The following RYK variants were observed in gnomAD, a reference collection of about 807,000 sequenced individuals.
The protein encoded by RYK is receptor like tyrosine kinase.
In RYK, 21 loss-of-function variants were observed where a neutral mutation model predicts 70.2. That is an observed-to-expected ratio of 0.30 (90% CI 0.21 to 0.43). The LOEUF is 0.43. RYK is among the 20% of genes least tolerant of loss of function. RYK has a pLI of 1.00. For synonymous variants in RYK, 267 were observed against 278.0 expected (o/e 0.96, Z 0.39); for missense variants, 604 against 753.3 (o/e 0.80, Z 2.32).
chr3:134,159,469 A>C, intron 13 of RYK, 96 bp from the exon 14 acceptor site: 134 of 1,201,870 alleles, frequency 1.1e-4, no homozygotes, highest in Non-Finnish European at 1.4e-4. Flanking sequence ...ATAACAGCTC[A>C]ACTCATGCTT....
intron 13 of RYK, among the ~76,000 whole-genome samples, chr3:134,162,234 AT>A (rs35638482): frequency 0.25 from 34,210 of 139,134 alleles, 5,182 homozygotes; most frequent in East Asian, 0.78. Flanking sequence ...GGCTTCAACC[AT>A]TTTTTTTTTT....
chr3:134,225,197 G>C (rs2014869606), intron 1 of RYK, among the ~76,000 whole-genome samples: 1 of 152,308 alleles, frequency 6.6e-6, no homozygotes, highest in Admixed American at 6.5e-5. Flanking sequence ...CTGGAGAAAG[G>C]GGTTAGAGGA....
intron 1 of RYK, among the ~76,000 whole-genome samples, chr3:134,234,003 G>A (rs1306302218): frequency 6.6e-6 from 1 of 152,038 alleles, no homozygotes; most frequent in African/African-American, 2.4e-5. Flanking sequence ...TAAAAAAAGG[G>A]AAAATAGCAA....
chr3:134,240,981 A>C (rs2015307388), intron 1 of RYK, among the ~76,000 whole-genome samples: 1 of 152,226 alleles, frequency 6.6e-6, no homozygotes, highest in Admixed American at 6.5e-5. Context: ...ACCACCAGTG[A>C]ATTTTACAAT....
chr3:134,239,595 G>A (rs915710375), intron 1 of RYK, among the ~76,000 whole-genome samples: 1 of 152,206 alleles, frequency 6.6e-6, no homozygotes, highest in African/African-American at 2.4e-5. Context: ...ATGATCAACA[G>A]AATGATGACT....
intron 2 of RYK, among the ~76,000 whole-genome samples, chr3:134,213,127 G>A (rs2014451913): frequency 6.6e-6 from 1 of 152,246 alleles, no homozygotes; most frequent in South Asian, 2.1e-4. Flanking sequence ...AGTTTGGGCA[G>A]GGAATGAGCA....
At chr3:134,200,253 G>A (rs564275246) in intron 6 of RYK, among the ~76,000 whole-genome samples, 89 of 152,200 alleles carry the variant, frequency 5.8e-4, no homozygotes, top group African/African-American at 1.1e-3. Context: ...GTAACACTGC[G>A]AAGGTCTGCA....
At position 134,250,488 on chromosome 3, in the gene RYK, T is replaced by A; in HGVS notation, c.167A>T (p.Gln56Leu). 7.5e-7 allele frequency: 1 copy of A among 1,327,702 alleles called. No individual in the cohort carries two copies. The allele number at this position is 1,327,702 out of a possible 1,614,324, so 82.2% of individuals were successfully genotyped here. The change falls in exon 1 of 15, where the codon CAG becomes CTG. Residue 56 changes from glutamine (Q) to leucine (L), a missense_variant. Transcript: ENST00000623711. ...CACGCTGGGCCCCGCGGAAGCCGAC[T>A]GCAGCTCCGGGGGCCGCGGGGCGGG... ...AAPAPRPPELQSASAGPSVSL... is the reference protein window; with the variant it reads ...AAPAPRPPELLSASAGPSVSL...
intron 1 of RYK, among the ~76,000 whole-genome samples, chr3:134,242,671 TG>T (rs1043999964): frequency 2.0e-5 from 3 of 152,244 alleles, no homozygotes; most frequent in African/African-American, 4.8e-5. Flanking sequence ...AGTAATGCTA[TG>T]GAACTTCTCA....
chr3:134,218,372 A>C (rs1323049092), intron 2 of RYK, among the ~76,000 whole-genome samples: 1 of 152,182 alleles, frequency 6.6e-6, no homozygotes, highest in Non-Finnish European at 1.5e-5. Context: ...GGTGCTCAGC[A>C]AGTAGGAGGG....
Position 134,178,021 on chromosome 3 carries a change from C to A in RYK, c.1225G>T (p.Val409Leu). The A allele has an allele frequency of 6.2e-7, 1 of 1,607,480 alleles. No individual in the cohort carries two copies. Among genetic ancestry groups the A allele is most frequent in the South Asian group, 1.1e-5 (1 of 90,448 alleles). Reference sequence around the variant, plus strand: ...CCCCAATTCATGTAAGGCAATATCACCATGGGCTTTTCTCCTTCTTCTATA... The same window carrying A: ...CCCCAATTCATGTAAGGCAATATCAACATGGGCTTTTCTCCTTCTTCTATA... ...VCIEEGEKPM[V>L]ILPYMNWGNL... The change falls in exon 11 of 15, where the codon GTG (valine) becomes TTG (leucine). Residue 409 changes from valine to leucine, a missense_variant. Around this residue, in one of 2 missense-constraint regions of RYK, gnomAD observed 466 missense variants for 535.9 expected, o/e 0.87. Coordinates refer to ENST00000623711, the MANE Select transcript of RYK (RefSeq NM_002958.4).
At chr3:134,230,106 C>G (rs1468497379) in intron 1 of RYK, among the ~76,000 whole-genome samples, 1 of 152,120 alleles carries the variant, frequency 6.6e-6, no homozygotes, top group African/African-American at 2.4e-5. Context: ...CTCCCCCGAA[C>G]GTTTTTATTT....
intron 1 of RYK, 145 bp from the exon 2 acceptor site, chr3:134,222,684 A>T (rs1033472350): frequency 1.9e-5 from 12 of 641,746 alleles, no homozygotes; most frequent in Non-Finnish European, 3.1e-5. Flanking sequence ...CTGCCTTATG[A>T]AGCAAAAAAG....
chr3:134,207,565 T>C, intron 4 of RYK, 40 bp from the exon 5 acceptor site: 1 of 1,364,690 alleles, frequency 7.3e-7, no homozygotes, highest in Non-Finnish European at 1.0e-6. Context: ...AGAAATTCTC[T>C]TTTCCATGAA....
rs780690223 is a variant in RYK, at chr3:134,158,165, C to A, written c.1812G>T (p.Gly604=). The change falls in exon 15 of 15, where the codon GGG becomes GGT. Residue 604 remains glycine, a synonymous_variant. Transcript: ENST00000623711. ...QCLTEFHAAL[G]AYV ...GATTGGAGAGGAGTCAGACGTAGGCCCCCAGGGCTGCATGAAACTCTGTTA... is the reference window on the plus strand; with the variant it reads ...GATTGGAGAGGAGTCAGACGTAGGCACCCAGGGCTGCATGAAACTCTGTTA... The A allele has an allele frequency of 4.6e-6, 7 of 1,527,286 alleles. No homozygotes were observed. In the Admixed American group the frequency reaches 7.6e-5, roughly 17 times the overall value. 94.6% of individuals were successfully genotyped at this position (1,527,286 alleles called of 1,614,324 possible). A position where few individuals can be genotyped will look rare whatever the true frequency, so the allele number is the denominator to read the frequency against.
chr3:134,247,368 G>A (rs1045233343), intron 1 of RYK, among the ~76,000 whole-genome samples: 1 of 152,184 alleles, frequency 6.6e-6, no homozygotes, highest in Non-Finnish European at 1.5e-5. Flanking sequence ...AGTAGAGCCT[G>A]AGGGATAAAA....
chr3:134,209,897 T>G, intron 3 of RYK, 68 bp from the exon 4 acceptor site: 1 of 1,123,376 alleles, frequency 8.9e-7, no homozygotes, highest in Non-Finnish European at 1.2e-6. Flanking sequence ...CCAAAATGAT[T>G]CTTTTAAACA....
chr3:134,175,801 T>C, intron 12 of RYK, 33 bp from the exon 13 acceptor site: 1 of 1,611,272 alleles, frequency 6.2e-7, no homozygotes, highest in Non-Finnish European at 8.5e-7. Context: ...TCAAATGCAA[T>C]CAGAGTATTA....
intron 2 of RYK, among the ~76,000 whole-genome samples, chr3:134,215,760 AG>A: frequency 6.6e-6 from 1 of 152,268 alleles, no homozygotes; most frequent in African/African-American, 2.4e-5. Context: ...ACTACAGGCT[AG>A]GCGTGGTGGC....
Sources: gnomAD v4.1 joint callset for allele counts (sites outside exome capture counted in the v4.1 genomes callset) on GRCh38, gnomAD v4.1.1 for gene constraint, gnomAD v4.1.1 regional missense constraint, MANE v1.5 for transcripts, NCBI Gene and HGNC (gene_info 2026-07-23, HGNC 2026-07-21) for gene names.